The following SLC25A26 variants were observed in gnomAD, a reference collection of about 807,000 sequenced individuals.
The protein encoded by SLC25A26 is mitochondrial S-adenosylmethionine carrier protein.
SLC25A26 carries 36 observed loss-of-function variants against 37.8 expected under a neutral mutation model. The ratio of observed to expected loss-of-function variants is 0.95; its 90% CI spans 0.73 to 1.26. The LOEUF (loss-of-function observed/expected upper bound fraction) is 1.26, where lower values mean the gene tolerates loss of function less well. Ranked by LOEUF, SLC25A26 falls within the 50% of genes most tolerant of loss-of-function variation. The probability of loss-of-function intolerance (pLI) is 0.00; values close to 1 mark genes in which losing one functional copy is unlikely to be tolerated. For missense variants in SLC25A26, 390 were observed against 331.1 expected, an observed-to-expected ratio of 1.18 and a Z score of -1.38; for synonymous variants, 129 against 122.5, an observed-to-expected ratio of 1.05 and a Z score of -0.35.
chr3:66,368,829 G>A (rs1330854505), intron 7 of SLC25A26, among the ~76,000 whole-genome samples: 1 of 152,034 alleles, frequency 6.6e-6, no homozygotes, highest in Non-Finnish European at 1.5e-5. Flanking sequence ...ACCAGGCTGG[G>A]CAACAGAGCA....
intron 1 of SLC25A26, among the ~76,000 whole-genome samples, chr3:66,222,219 C>T (rs1220222517): frequency 6.8e-6 from 1 of 146,214 alleles, no homozygotes; most frequent in Non-Finnish European, 1.5e-5. Context: ...TCTCACTCTT[C>T]GCCCAGGCTG....
At chr3:66,261,437 AC>A (rs1232699337) in intron 3 of SLC25A26, among the ~76,000 whole-genome samples, 1 of 152,080 alleles carries the variant, frequency 6.6e-6, no homozygotes, top group African/African-American at 2.4e-5. Flanking sequence ...GATGACATAT[AC>A]CCGGCCTCAG....
At chr3:66,201,191 G>A (rs892500037) in intron 1 of SLC25A26, among the ~76,000 whole-genome samples, 3 of 151,750 alleles carry the variant, frequency 2.0e-5, no homozygotes, top group African/African-American at 7.3e-5. Flanking sequence ...CAAAGGAAAA[G>A]AAATGGTAAT....
At chr3:66,354,476 A>G (rs1460690480) in intron 6 of SLC25A26, among the ~76,000 whole-genome samples, 1 of 152,172 alleles carries the variant, frequency 6.6e-6, no homozygotes, top group African/African-American at 2.4e-5. Context: ...AATTACTTAG[A>G]TCTCTCTTTT....
intron 5 of SLC25A26, among the ~76,000 whole-genome samples, chr3:66,306,981 C>CT (rs139415208): frequency 0.18 from 27,984 of 152,042 alleles, 3,186 homozygotes; most frequent in Non-Finnish European, 0.26. Flanking sequence ...GTGTGTGTGC[C>CT]TTTATAGTAG....
At chr3:66,371,416 G>C (rs1479635656) in intron 9 of SLC25A26, 5 of 1,477,606 alleles carry the variant, frequency 3.4e-6, no homozygotes, top group African/African-American at 1.4e-5. Flanking sequence ...TGAAGTAGGT[G>C]AGTCAGGACC....
At chr3:66,253,356 C>T (rs1279307394) in intron 3 of SLC25A26, among the ~76,000 whole-genome samples, 1 of 149,658 alleles carries the variant, frequency 6.7e-6, no homozygotes, top group African/African-American at 2.5e-5. Flanking sequence ...GCTTGCAGAT[C>T]GCGCCACTGC....
intron 3 of SLC25A26, among the ~76,000 whole-genome samples, chr3:66,245,996 AACCAC>A (rs2072820245): frequency 6.6e-6 from 1 of 152,152 alleles, no homozygotes. Flanking sequence ...ACTCCTAGGC[AACCAC>A]TGGTCTACTT....
intron 5 of SLC25A26, among the ~76,000 whole-genome samples, chr3:66,324,462 G>C (rs1001475576): frequency 6.6e-6 from 1 of 152,036 alleles, no homozygotes; most frequent in Non-Finnish European, 1.5e-5. Context: ...TGTTATCCAT[G>C]GGAGCAATTG....
At chr3:66,234,034 T>C (rs1289674810) in intron 1 of SLC25A26, among the ~76,000 whole-genome samples, 4 of 152,218 alleles carry the variant, frequency 2.6e-5, no homozygotes, top group African/African-American at 9.6e-5. Flanking sequence ...TCGCCAGGGT[T>C]CTATTCTCTC....
chr3:66,293,781 G>A (rs912735767), intron 5 of SLC25A26, among the ~76,000 whole-genome samples: 1 of 152,106 alleles, frequency 6.6e-6, no homozygotes, highest in Non-Finnish European at 1.5e-5. Flanking sequence ...CCTTTATCCA[G>A]TGTTTTATTA....
intron 6 of SLC25A26, among the ~76,000 whole-genome samples, chr3:66,350,914 T>C (rs922626359): frequency 1.3e-5 from 2 of 152,146 alleles, no homozygotes; most frequent in African/African-American, 4.8e-5. Flanking sequence ...AGTCTTCTAA[T>C]GAAGGCCTTG....
intron 1 of SLC25A26, among the ~76,000 whole-genome samples, chr3:66,205,181 T>C (rs1021677066): frequency 3.3e-5 from 5 of 152,232 alleles, no homozygotes; most frequent in Admixed American, 1.3e-4. Context: ...ATTGTGCATG[T>C]ACTATATTAA....
intron 5 of SLC25A26, among the ~76,000 whole-genome samples, chr3:66,281,956 G>A (rs942355730): frequency 6.8e-6 from 1 of 148,096 alleles, no homozygotes; most frequent in Admixed American, 6.7e-5. Flanking sequence ...CCGAGTAACT[G>A]GGATTACAGG....
At chr3:66,359,043 T>A (rs921178597) in intron 6 of SLC25A26, among the ~76,000 whole-genome samples, 1 of 152,236 alleles carries the variant, frequency 6.6e-6, no homozygotes, top group Admixed American at 6.5e-5. Context: ...TTTATTAGTA[T>A]CCATGTCAAA....
chr3:66,288,330 T>A (rs185948867), intron 5 of SLC25A26, among the ~76,000 whole-genome samples: 68 of 152,184 alleles, frequency 4.5e-4, no homozygotes, highest in South Asian at 6.2e-4. Flanking sequence ...GCATTTTTTT[T>A]AAAAAAATTA....
intron 2 of SLC25A26, among the ~76,000 whole-genome samples, chr3:66,237,260 C>G (rs1298388187): frequency 6.6e-6 from 1 of 152,152 alleles, no homozygotes; most frequent in Non-Finnish European, 1.5e-5. Flanking sequence ...AACTAGAATC[C>G]TTAAAGTGTT....
chr3:66,352,864 C>G (rs1442831818), intron 6 of SLC25A26, among the ~76,000 whole-genome samples: 2 of 152,172 alleles, frequency 1.3e-5, no homozygotes, highest in South Asian at 2.1e-4. Context: ...CGTTCCCGGT[C>G]TACCCCTCTC....
intron 6 of SLC25A26, among the ~76,000 whole-genome samples, chr3:66,358,236 G>A (rs906364497): frequency 2.0e-5 from 3 of 152,106 alleles, no homozygotes; most frequent in Non-Finnish European, 4.4e-5. Flanking sequence ...CATAATTTAT[G>A]TATTTTTTAC....
Sources: gnomAD v4.1 joint callset for allele counts (sites outside exome capture counted in the v4.1 genomes callset) on GRCh38, gnomAD v4.1.1 for gene constraint, MANE v1.5 for transcripts, NCBI Gene and HGNC (gene_info 2026-07-23, HGNC 2026-07-21) for gene names.